PINLYP: variants seen among roughly 807,000 people sequenced by gnomAD.
PINLYP encodes the protein phospholipase A2 inhibitor and LY6/PLAUR domain containing, also known as phospholipase A2 inhibitor and Ly6/PLAUR domain-containing protein.
In PINLYP, 12 loss-of-function variants were observed where a neutral mutation model predicts 15.8. The observed-to-expected ratio is 0.76, with a 90% CI of 0.49 to 1.23. The LOEUF (loss-of-function observed/expected upper bound fraction) is 1.23. Among genes scored for constraint, PINLYP ranks in the 50% most tolerant of loss-of-function variants. The pLI is 0.00. For synonymous variants in PINLYP, 93 were observed against 97.7 expected (o/e 0.95, Z 0.28); for missense variants, 278 against 264.2 (o/e 1.05, Z -0.36).
At chr19:43,577,956 A>G (rs530740874) in intron 2 of PINLYP, among the ~76,000 whole-genome samples, 5 of 152,264 alleles carry the variant, frequency 3.3e-5, no homozygotes, top group African/African-American at 1.2e-4. Flanking sequence ...AAAGAGGTAG[A>G]GAGATTTCCT....
chr19:43,577,092 A>C, intron 1 of PINLYP, 23 bp from the exon 2 acceptor site: 1 of 1,533,586 alleles, frequency 6.5e-7, no homozygotes, highest in Admixed American at 2.0e-5. Context: ...CTGGGTTCTG[A>C]CCTCAGCTAT....
exon 1 of PINLYP, among the ~76,000 whole-genome samples, chr19:43,576,347 A>C (rs897946759): frequency 1.3e-5 from 2 of 151,968 alleles, no homozygotes; most frequent in Non-Finnish European, 2.9e-5. Context: ...ACACACACGC[A>C]CATATACATA....
chr19:43,575,861 G>C (rs1401018994), exon 1 of PINLYP: 1 of 178,008 alleles, frequency 5.6e-6, no homozygotes, highest in Non-Finnish European at 1.2e-5. Context: ...CACTGAAGCC[G>C]AGAAAGCAAA....
chr19:43,581,592 C>T lies in PINLYP; in HGVS notation c.370C>T (p.Leu124=), dbSNP rs747539936. Residue 124 remains leucine, a synonymous_variant, in exon 5 of 6, where the codon CTG becomes TTG. Transcript: ENST00000599207. ...CTTGACCAATCTTACTGAGAATGGCCTGATGTGCCCCGCCTGCACTGCGAG... is the reference window on the plus strand; with the variant it reads ...CTTGACCAATCTTACTGAGAATGGCTTGATGTGCCCCGCCTGCACTGCGAG... 6 of 1,536,370 alleles carry T rather than the reference C, an allele frequency of 3.9e-6. No individual in the cohort carries two copies. In the South Asian group the frequency reaches 7.1e-5, roughly 18 times the overall value.
chr19:43,578,806 G>A (rs1040364616), intron 3 of PINLYP, 100 bp downstream of exon 3: 20 of 852,506 alleles, frequency 2.3e-5, no homozygotes, highest in East Asian at 1.4e-4. Context: ...TTCTCAAGAC[G>A]GGAGCGTGGG....
chr19:43,581,070 A>G (rs978032439), intron 3 of PINLYP, 142 bp from the exon 4 acceptor site: 7 of 1,033,396 alleles, frequency 6.8e-6, no homozygotes, highest in Middle Eastern at 6.3e-4. Flanking sequence ...AAAAAAAATA[A>G]GAAAAGAAAG....
chr19:43,580,038 G>T (rs1972911094), intron 3 of PINLYP, among the ~76,000 whole-genome samples: 1 of 152,172 alleles, frequency 6.6e-6, no homozygotes, highest in Non-Finnish European at 1.5e-5. Flanking sequence ...AGCTGAAAGA[G>T]ACTTTCAATC....
upstream of PINLYP, chr19:43,575,584 G>C: frequency 9.5e-7 from 1 of 1,054,532 alleles, no homozygotes; most frequent in Non-Finnish European, 1.3e-6. Context: ...GCGAGGCTCG[G>C]GCCTTTCAAA....
Position 43,581,448 on chromosome 19 carries a change from C to T in PINLYP, c.340+84C>T, listed in dbSNP as rs545179909. On this transcript the variant is annotated intron_variant, in intron 4 of 5. Transcript: ENST00000599207. ...CACTTGCTGGCTCTGAGCCTGTTTCCTTACCTGTAAAATGCAGTGTCTATT... is the reference window on the plus strand; with the variant it reads ...CACTTGCTGGCTCTGAGCCTGTTTCTTTACCTGTAAAATGCAGTGTCTATT... 8 of 1,517,376 alleles carry T rather than the reference C, an allele frequency of 5.3e-6. No homozygotes were observed. In the South Asian group the frequency reaches 9.9e-5, roughly 19 times the overall value. 94.0% of individuals were successfully genotyped at this position (1,517,376 alleles called of 1,614,324 possible). A position where few individuals can be genotyped will look rare whatever the true frequency, so the allele number is the denominator to read the frequency against.
chr19:43,578,760 G>A lies in PINLYP; in HGVS notation c.187+54G>A, dbSNP rs1244993639. The stretch of plus-strand genomic sequence containing the variant: ...GGGAGGTGGGGTGTACCTTCAGGGT[G>A]GAAGAGACTACCATGCTGAGGGGGG... On this transcript the variant is annotated intron_variant, in intron 3 of 5. Transcript: ENST00000599207. 9 of 1,336,466 alleles carry A rather than the reference G, an allele frequency of 6.7e-6. No homozygotes were observed. In the South Asian group the frequency reaches 1.1e-4, roughly 17 times the overall value. 82.8% of individuals were successfully genotyped at this position (1,336,466 alleles called of 1,614,324 possible). A position where few individuals can be genotyped will look rare whatever the true frequency, so the allele number is the denominator to read the frequency against.
At chr19:43,576,810 A>T (rs1449431444) in exon 1 of PINLYP, 3 of 227,320 alleles carry the variant, frequency 1.3e-5, no homozygotes, top group African/African-American at 6.9e-5. Context: ...AGGAGAGGGG[A>T]AGAGAGAGAA....
chr19:43,577,081 C>G, intron 1 of PINLYP, 34 bp from the exon 2 acceptor site: 1 of 1,530,704 alleles, frequency 6.5e-7, no homozygotes, highest in East Asian at 2.4e-5. Flanking sequence ...AGAGGACTGC[C>G]CTGGGTTCTG....
chr19:43,581,819 G>T, intron 5 of PINLYP, 49 bp from the exon 6 acceptor site: 1 of 1,535,446 alleles, frequency 6.5e-7, no homozygotes. Flanking sequence ...GGGATTATGA[G>T]GAAGAAGGGG....
At position 43,578,024 on chromosome 19, in the gene PINLYP, C is replaced by G. The variant is rs138743518; in HGVS notation, c.71-566C>G. Among the ~76,000 whole-genome samples the G allele has an allele frequency of 7.9e-5, 12 of 152,218 alleles. No individual in the cohort carries two copies. In the East Asian group the frequency reaches 1.9e-3, roughly 24 times the overall value. On this transcript the variant is annotated intron_variant, in intron 2 of 5. Transcript: ENST00000599207. The stretch of plus-strand genomic sequence containing the variant: ...CCCCTCCTCCCCTGCACACAGGAGT[C>G]CAAGTAAGCCTCACTTTCCCCAGGA...
At chr19:43,577,393 A>C in intron 2 of PINLYP, 132 bp downstream of exon 2, 1 of 1,005,544 alleles carries the variant, frequency 9.9e-7, no homozygotes, top group African/African-American at 1.6e-5. Flanking sequence ...GCATTCTGGA[A>C]ATTCAGATTC....
chr19:43,580,208 C>T (rs1600067467), intron 3 of PINLYP, among the ~76,000 whole-genome samples: 1 of 152,028 alleles, frequency 6.6e-6, no homozygotes. Context: ...TGAAGAGAAC[C>T]CCCATCCCGG....
chr19:43,580,772 A>G, intron 3 of PINLYP: 3 of 854,610 alleles, frequency 3.5e-6, no homozygotes, highest in Non-Finnish European at 4.2e-6. Context: ...TGCACCAGAC[A>G]GATTTGGCCG....
At chr19:43,578,453 T>C in intron 2 of PINLYP, 137 bp from the exon 3 acceptor site, 1 of 609,456 alleles carries the variant, frequency 1.6e-6, no homozygotes, top group South Asian at 1.9e-5. Context: ...CCTTGGGCAG[T>C]GGTCAACATC....
chr19:43,581,894 C>G, exon 6 of PINLYP: 1 of 1,536,708 alleles, frequency 6.5e-7, no homozygotes, highest in Non-Finnish European at 8.7e-7. Flanking sequence ...ATTTGCTATG[C>G]GGGGCTGTGC....
Sources: gnomAD v4.1 joint callset for allele counts (sites outside exome capture counted in the v4.1 genomes callset) on GRCh38, gnomAD v4.1.1 for gene constraint, MANE v1.5 for transcripts, NCBI Gene and HGNC (gene_info 2026-07-23, HGNC 2026-07-21) for gene names.